Variants in CSMD1 observed in about 807,000 individuals in gnomAD.
CSMD1 encodes CUB and sushi domain-containing protein 1.
CSMD1 carries 213 observed loss-of-function variants against 417.5 expected under a neutral mutation model. The observed-to-expected ratio is 0.51, with a 90% CI of 0.46 to 0.57. The LOEUF (loss-of-function observed/expected upper bound fraction) is 0.57, where lower values mean the gene tolerates loss of function less well. CSMD1 is among the 20% of genes least tolerant of loss of function. The pLI, the probability that CSMD1 is intolerant of heterozygous loss-of-function variation, is 0.00. For synonymous variants in CSMD1, 2,862 were observed against 1,736.8 expected (o/e 1.65, Z -16.11); for missense variants, 6,923 against 4,529.7 (o/e 1.53, Z -15.17).
At chr8:2,991,046 G>T (rs1401963960) in intron 54 of CSMD1, among the ~76,000 whole-genome samples, 1 of 152,202 alleles carries the variant, frequency 6.6e-6, no homozygotes, top group Admixed American at 6.5e-5. Context: ...CACCAATTCA[G>T]ATAAACTTGG....
At chr8:3,616,160 T>C (rs1324956832) in intron 8 of CSMD1, among the ~76,000 whole-genome samples, 1 of 152,196 alleles carries the variant, frequency 6.6e-6, no homozygotes, top group Non-Finnish European at 1.5e-5. Flanking sequence ...GGTTTGGCTC[T>C]GTCCCCACGC....
intron 25 of CSMD1, among the ~76,000 whole-genome samples, chr8:3,300,787 G>A (rs1804331389): frequency 1.3e-5 from 2 of 150,420 alleles, no homozygotes; most frequent in African/African-American, 4.9e-5. Context: ...GAAACCCCGT[G>A]TCTACTAAAA....
chr8:4,060,158 T>C (rs1461098744), intron 3 of CSMD1, among the ~76,000 whole-genome samples: 1 of 152,292 alleles, frequency 6.6e-6, no homozygotes, highest in East Asian at 1.9e-4. Context: ...TCAATAAATG[T>C]AATCCAGCAT....
chr8:4,092,270 A>C (rs974579002), intron 3 of CSMD1, among the ~76,000 whole-genome samples: 1 of 152,172 alleles, frequency 6.6e-6, no homozygotes, highest in South Asian at 2.1e-4. Flanking sequence ...ATTTGTTCCA[A>C]CCAACTGAGT....
At chr8:4,420,521 C>A (rs901400493) in intron 2 of CSMD1, among the ~76,000 whole-genome samples, 1 of 152,044 alleles carries the variant, frequency 6.6e-6, no homozygotes, top group Non-Finnish European at 1.5e-5. Context: ...TTTCCTAATT[C>A]ACTATTTTTA....
intron 3 of CSMD1, among the ~76,000 whole-genome samples, chr8:4,371,517 T>G (rs968375168): frequency 6.6e-6 from 1 of 152,242 alleles, no homozygotes. Context: ...GGATATTCCC[T>G]TATGCAAAGA....
At chr8:3,610,415 C>T (rs79852013) in intron 8 of CSMD1, among the ~76,000 whole-genome samples, 3 of 152,090 alleles carry the variant, frequency 2.0e-5, no homozygotes, top group East Asian at 3.9e-4. Flanking sequence ...CATGCTTATA[C>T]TCCCAACTAC....
chr8:4,043,506 A>G (rs1797997388), intron 3 of CSMD1, among the ~76,000 whole-genome samples: 1 of 152,248 alleles, frequency 6.6e-6, no homozygotes, highest in African/African-American at 2.4e-5. Context: ...TTTAAATACA[A>G]ACAGACAAAT....
At chr8:3,239,753 C>G (rs1386342459) in intron 26 of CSMD1, among the ~76,000 whole-genome samples, 1 of 152,122 alleles carries the variant, frequency 6.6e-6, no homozygotes, top group Non-Finnish European at 1.5e-5. Flanking sequence ...GTGGAACTGC[C>G]CTCAATAAAC....
At chr8:4,092,777 T>G (rs921450520) in intron 3 of CSMD1, among the ~76,000 whole-genome samples, 3 of 152,212 alleles carry the variant, frequency 2.0e-5, no homozygotes, top group African/African-American at 4.8e-5. Flanking sequence ...TTTTACTGTA[T>G]TATTTCATGA....
At chr8:4,041,017 CTT>C (rs36145371) in intron 3 of CSMD1, among the ~76,000 whole-genome samples, 17 of 100,200 alleles carry the variant, frequency 1.7e-4, no homozygotes, top group East Asian at 1.1e-3. Context: ...TTTTTTTTTC[CTT>C]TTTTTTTTTT....
Position 4,105,782 on chromosome 8 carries a change from A to G in CSMD1, c.416-73683T>C, listed in dbSNP as rs147058948. The stretch of plus-strand genomic sequence containing the variant: ...TATTTCTCACTGAAGAGGCTCCTCT[A>G]CAGCGTTGAAAAGTGTCCTTTCCAC... On this transcript the variant is annotated intron_variant, in intron 3 of 69. Coordinates refer to ENST00000635120, the MANE Select transcript of CSMD1 (RefSeq NM_033225.6). Among the ~76,000 whole-genome samples, 503 of 152,352 alleles carry G rather than the reference A, an allele frequency of 3.3e-3. 2 individuals carry two copies. Among genetic ancestry groups the G allele is most frequent in the Middle Eastern group, 0.017 (5 of 294 alleles).
chr8:4,617,698 G>C (rs1258014477), intron 2 of CSMD1, among the ~76,000 whole-genome samples: 1 of 152,156 alleles, frequency 6.6e-6, no homozygotes, highest in African/African-American at 2.4e-5. Flanking sequence ...CAGTGAATCT[G>C]TTCTTCATCA....
intron 1 of CSMD1, among the ~76,000 whole-genome samples, chr8:4,959,226 G>C (rs6985569): frequency 0.75 from 114,585 of 152,116 alleles, 44,561 homozygotes; most frequent in Non-Finnish European, 0.86. Flanking sequence ...AGCGGTGCTT[G>C]TTATGTATTT....
rs893464 is a variant in CSMD1, at chr8:4,903,978, T to A, written c.85+90354A>T. ...AATTTAAATAAATCTTCTCATAAAG[T>A]GTAAAATCATATGGCTTCATTTTGT... On this transcript the variant is annotated intron_variant, in intron 1 of 69. Transcript: ENST00000635120. Among the ~76,000 whole-genome samples, 1,064 of 152,098 alleles carry A rather than the reference T, an allele frequency of 7.0e-3. 12 individuals carry two copies. Among genetic ancestry groups the A allele is most frequent in the African/African-American group, 0.024 (1,013 of 41,488 alleles).
chr8:4,372,880 G>C (rs533463946), intron 3 of CSMD1, among the ~76,000 whole-genome samples: 19 of 152,246 alleles, frequency 1.2e-4, no homozygotes, highest in African/African-American at 4.6e-4. Flanking sequence ...TGGAAATATA[G>C]CCCTCAAGAA....
At chr8:4,564,833 G>A (rs1412693784) in intron 2 of CSMD1, among the ~76,000 whole-genome samples, 2 of 152,214 alleles carry the variant, frequency 1.3e-5, no homozygotes, top group South Asian at 2.1e-4. Flanking sequence ...ACTGTGGGAT[G>A]CGTCCAGCAT....
chr8:3,315,437 A>AGTGTGTGTGTGTGCGTGTGT (rs1805680761), intron 23 of CSMD1, among the ~76,000 whole-genome samples: 1 of 124,056 alleles, frequency 8.1e-6, no homozygotes, highest in African/African-American at 2.7e-5. Flanking sequence ...AGGTGAAGTG[A>AGTGTGTGTGTGTGCGTGTGT]GTGTGTGTGT....
chr8:3,722,746 A>G (rs1205258421), intron 6 of CSMD1, among the ~76,000 whole-genome samples: 1 of 152,200 alleles, frequency 6.6e-6, no homozygotes, highest in Admixed American at 6.5e-5. Flanking sequence ...AGGTTTTCTA[A>G]TATTAGCATT....
Sources: gnomAD v4.1 joint callset for allele counts (sites outside exome capture counted in the v4.1 genomes callset) on GRCh38, gnomAD v4.1.1 for gene constraint, MANE v1.5 for transcripts, NCBI Gene and HGNC (gene_info 2026-07-23, HGNC 2026-07-21) for gene names.